Variants in GRID2 observed in about 807,000 individuals in gnomAD.
GRID2 encodes glutamate receptor ionotropic, delta-2.
Under a neutral mutation model 114.8 loss-of-function variants are expected in GRID2, and 33 were observed. That is an observed-to-expected ratio of 0.29 (90% CI 0.22 to 0.38). The LOEUF (loss-of-function observed/expected upper bound fraction) is 0.38, where lower values mean the gene tolerates loss of function less well. GRID2 is among the 10% of genes least tolerant of loss of function. The probability of loss-of-function intolerance (pLI) is 1.00; values close to 1 mark genes in which losing one functional copy is unlikely to be tolerated. For missense variants in GRID2, 1,184 were observed against 1,257.7 expected (o/e 0.94, Z 0.89); for synonymous variants, 505 against 449.9 (o/e 1.12, Z -1.55).
chr4:93,689,417 A>T (rs1726350392), intron 14 of GRID2, among the ~76,000 whole-genome samples: 1 of 152,096 alleles, frequency 6.6e-6, no homozygotes, highest in African/African-American at 2.4e-5. Flanking sequence ...GTCCCCAGCA[A>T]TCATAATCAC....
chr4:92,922,672 G>A (rs1289361367), intron 2 of GRID2, among the ~76,000 whole-genome samples: 5 of 152,102 alleles, frequency 3.3e-5, no homozygotes, highest in African/African-American at 9.7e-5. Flanking sequence ...TCAGCAGGAG[G>A]ATAAATATAT....
intron 2 of GRID2, among the ~76,000 whole-genome samples, chr4:92,952,263 T>C (rs930945728): frequency 6.6e-6 from 1 of 152,224 alleles, no homozygotes; most frequent in African/African-American, 2.4e-5. Flanking sequence ...TCTTAAATAA[T>C]TTGTAGCATC....
At position 93,043,769 on chromosome 4, in the gene GRID2, G is replaced by T. The variant is rs538086680; in HGVS notation, c.245-41226G>T. ...CAAACACCGGGGCCTGTCGTGGGGT[G>T]GGGGGAGCGGGGAGGGAATAGCATT... On this transcript the variant is annotated intron_variant, in intron 2 of 15. Coordinates refer to ENST00000282020, the MANE Select transcript of GRID2 (RefSeq NM_001510.4). Among the ~76,000 whole-genome samples, 12 of 152,038 alleles carry T rather than the reference G, an allele frequency of 7.9e-5. 1 individual carries two copies. The South Asian group carries it at 2.3e-3, about 29-fold the overall frequency.
At chr4:92,961,856 G>GT (rs1034201785) in intron 2 of GRID2, among the ~76,000 whole-genome samples, 1 of 151,264 alleles carries the variant, frequency 6.6e-6, no homozygotes, top group East Asian at 1.9e-4. Context: ...GTTGTTGATG[G>GT]TTTTTTTAAT....
chr4:92,676,334 A>C (rs796391861), intron 2 of GRID2, among the ~76,000 whole-genome samples: 22 of 151,440 alleles, frequency 1.5e-4, no homozygotes, highest in South Asian at 8.4e-4. Context: ...TGCCCACCAC[A>C]ACGCCCGGCT....
At chr4:93,676,748 T>A (rs1275063849) in intron 14 of GRID2, among the ~76,000 whole-genome samples, 3 of 132,504 alleles carry the variant, frequency 2.3e-5, no homozygotes, top group Non-Finnish European at 3.3e-5. Flanking sequence ...AAAAAAAAGA[T>A]ATTACAAAAA....
At chr4:92,862,052 A>T (rs1417156225) in intron 2 of GRID2, among the ~76,000 whole-genome samples, 1 of 152,022 alleles carries the variant, frequency 6.6e-6, no homozygotes, top group Non-Finnish European at 1.5e-5. Flanking sequence ...TGGGTGCTCA[A>T]TAAATGCTGA....
intron 10 of GRID2, among the ~76,000 whole-genome samples, chr4:93,427,426 A>G (rs1768961768): frequency 6.6e-6 from 1 of 152,134 alleles, no homozygotes; most frequent in East Asian, 1.9e-4. Flanking sequence ...TCTGTACAAG[A>G]CAGTAAGAAT....
chr4:93,007,353 A>T (rs392454), intron 2 of GRID2, among the ~76,000 whole-genome samples: 4 of 152,048 alleles, frequency 2.6e-5, no homozygotes, highest in African/African-American at 7.2e-5. Flanking sequence ...TTAAAAAAAA[A>T]CCTCTGGACT....
intron 8 of GRID2, among the ~76,000 whole-genome samples, chr4:93,349,724 C>T (rs1379949370): frequency 6.6e-6 from 1 of 152,018 alleles, no homozygotes; most frequent in Non-Finnish European, 1.5e-5. Flanking sequence ...ATCCAGCTCT[C>T]AGTGTTCCAG....
intron 2 of GRID2, among the ~76,000 whole-genome samples, chr4:92,912,902 A>G (rs1424094438): frequency 6.6e-6 from 1 of 151,888 alleles, no homozygotes; most frequent in Non-Finnish European, 1.5e-5. Context: ...CATGACATCA[A>G]TAAATACATT....
intron 4 of GRID2, among the ~76,000 whole-genome samples, chr4:93,183,433 G>A (rs1404543625): frequency 2.0e-5 from 3 of 152,138 alleles, no homozygotes; most frequent in Non-Finnish European, 4.4e-5. Flanking sequence ...TCAATCAATA[G>A]ATGTTTCACG....
intron 8 of GRID2, among the ~76,000 whole-genome samples, chr4:93,254,536 A>G (rs1051096176): frequency 1.6e-4 from 25 of 152,112 alleles, no homozygotes; most frequent in Non-Finnish European, 3.2e-4. Context: ...TGTGGTTTTA[A>G]ATGGAATTGT....
intron 1 of GRID2, among the ~76,000 whole-genome samples, chr4:92,486,590 C>CACAA (rs1553940881): frequency 2.1e-5 from 3 of 143,266 alleles, no homozygotes; most frequent in African/African-American, 7.9e-5. Context: ...CACACACACA[C>CACAA]AAACACAGAT....
chr4:93,424,416 A>T (rs1043409273), intron 10 of GRID2, among the ~76,000 whole-genome samples: 1 of 152,108 alleles, frequency 6.6e-6, no homozygotes, highest in African/African-American at 2.4e-5. Context: ...TGTCTTTTTT[A>T]ACCCTCATTT....
intron 2 of GRID2, among the ~76,000 whole-genome samples, chr4:93,050,840 G>T (rs946220731): frequency 6.6e-5 from 10 of 151,892 alleles, no homozygotes; most frequent in Non-Finnish European, 1.3e-4. Context: ...ACAATTATTT[G>T]GTCTATTATA....
At chr4:93,788,817 G>T (rs989814445) in intron 1 of GRID2, among the ~76,000 whole-genome samples, 5 of 152,170 alleles carry the variant, frequency 3.3e-5, no homozygotes, top group Non-Finnish European at 4.4e-5. Flanking sequence ...TACATGAAGT[G>T]TACCACATAC....
At chr4:92,911,381 G>T (rs1748368551) in intron 2 of GRID2, among the ~76,000 whole-genome samples, 1 of 151,910 alleles carries the variant, frequency 6.6e-6, no homozygotes. Flanking sequence ...AATATAAATT[G>T]TTACCACTTT....
chr4:93,763,280 T>C (rs2110317361), intron 14 of GRID2, among the ~76,000 whole-genome samples: 1 of 152,294 alleles, frequency 6.6e-6, no homozygotes, highest in East Asian at 1.9e-4. Context: ...TCAAGTAGAT[T>C]GAGCTAAAGC....
Sources: gnomAD v4.1 joint callset for allele counts (sites outside exome capture counted in the v4.1 genomes callset) on GRCh38, gnomAD v4.1.1 for gene constraint, MANE v1.5 for transcripts, NCBI Gene and HGNC (gene_info 2026-07-23, HGNC 2026-07-21) for gene names.